Variants in ATP13A1 observed in about 807,000 individuals in gnomAD.
The protein encoded by ATP13A1 is ATPase 13A1, also known as endoplasmic reticulum transmembrane helix translocase.
A neutral mutation model predicts 134.8 loss-of-function variants in ATP13A1; 55 were observed. The ratio of observed to expected loss-of-function variants is 0.41; its 90% CI spans 0.33 to 0.51. The LOEUF (loss-of-function observed/expected upper bound fraction) is 0.51. Among genes scored for constraint, ATP13A1 ranks in the 20% least tolerant of loss-of-function variants. ATP13A1 has a pLI of 0.29. For missense variants in ATP13A1, 1,389 were observed against 1,652.8 expected (o/e 0.84, Z 2.77); for synonymous variants, 775 against 725.1 (o/e 1.07, Z -1.10).
Position 19,655,634 on chromosome 19 carries a change from G to A in ATP13A1, c.1290C>T (p.Ile430=). 2.5e-6 allele frequency: 4 copies of A among 1,613,576 alleles called. No individual in the cohort carries two copies. Among genetic ancestry groups the A allele is most frequent in the Non-Finnish European group, 3.4e-6 (4 of 1,179,748 alleles). The change falls in exon 10 of 26, where the codon ATC becomes ATT. Residue 430 remains isoleucine (I), a synonymous_variant. Transcript: ENST00000357324. The surrounding 1 kb of genome is among the most constrained non-coding windows in gnomAD (Gnocchi z 5.7). ...CAGTCACCCTCTTGACCCCGAAGAGGATGGTGCGCAGCAGCTTGCCCTGGA... is the reference window on the plus strand; with the variant it reads ...CAGTCACCCTCTTGACCCCGAAGAGAATGGTGCGCAGCAGCTTGCCCTGGA... ...NTSQGKLLRT[I]LFGVKRVTAN...
chr19:19,649,066 G>A (rs1486239612), intron 19 of ATP13A1, among the ~76,000 whole-genome samples: 1 of 151,962 alleles, frequency 6.6e-6, no homozygotes, highest in Non-Finnish European at 1.5e-5. Flanking sequence ...AGGTTGCAGT[G>A]AGCCCAGATC....
chr19:19,652,525 C>T (rs575704474), intron 16 of ATP13A1, 70 bp downstream of exon 16: 12 of 1,528,428 alleles, frequency 7.9e-6, no homozygotes, highest in South Asian at 3.7e-5. Context: ...ACCCCTACCA[C>T]GAAGCTGTAA....
Position 19,645,561 on chromosome 19 carries a change from G to A in ATP13A1, c.3505-29C>T, listed in dbSNP as rs2061979308. 2 of 1,572,858 alleles carry A rather than the reference G, an allele frequency of 1.3e-6. No homozygotes were observed. Among genetic ancestry groups the A allele is most frequent in the South Asian group, 1.2e-5 (1 of 85,940 alleles). ...TCGGGGCAGGGAGGGATGGTGAGCT[G>A]GAGACCTGCAGCCCAGCTCAGGGTC... On this transcript the variant is annotated intron_variant, in intron 25 of 25. Coordinates refer to ENST00000357324, the MANE Select transcript of ATP13A1 (RefSeq NM_020410.3). The surrounding 1 kb of genome is among the most constrained non-coding windows in gnomAD (Gnocchi z 4.1).
intron 15 of ATP13A1, chr19:19,652,951 T>G (rs1032221786): frequency 7.2e-6 from 4 of 558,510 alleles, no homozygotes; most frequent in Non-Finnish European, 1.3e-5. Flanking sequence ...TGTGGCTCTA[T>G]GTCCTGCTTG....
rs769883325 is a variant in ATP13A1 at position 19,645,867 on chromosome 19, G to A, written c.3360+7C>T. 1 of 1,613,684 alleles carries A rather than the reference G, an allele frequency of 6.2e-7. No homozygotes were observed. Among genetic ancestry groups the A allele is most frequent in the East Asian group, 2.2e-5 (1 of 44,870 alleles). ...CAGTGAATGTTTGGGCAGGGCCCAG[G>A]CCTTACTTTGTAATTGATGGCGAAG... On this transcript the variant is annotated splice_region_variant and intron_variant, in intron 24 of 25. Transcript: ENST00000357324. This position sits in a 1 kb window ranked among gnomAD's most constrained non-coding sequence, Gnocchi z 4.1.
chr19:19,652,953 T>A, intron 15 of ATP13A1: 1 of 556,362 alleles, frequency 1.8e-6, no homozygotes, highest in Non-Finnish European at 3.2e-6. Flanking sequence ...TGGCTCTATG[T>A]CCTGCTTGCG....
At chr19:19,659,525 C>T (rs113159465) in intron 3 of ATP13A1, 76 bp downstream of exon 3, 38,567 of 1,225,592 alleles carry the variant, frequency 0.031, 785 homozygotes, top group South Asian at 0.044. Flanking sequence ...GCCTCTGTCC[C>T]GCTTCCTAGG....
At chr19:19,657,740 G>C (rs1302148256) in intron 3 of ATP13A1, among the ~76,000 whole-genome samples, 1 of 152,220 alleles carries the variant, frequency 6.6e-6, no homozygotes. Context: ...GAGTGACACA[G>C]CAAGTAGAGA....
In ATP13A1 at chr19:19,645,368, G is replaced by A. The variant is rs1279593789; in HGVS notation, c.*54C>T. The A allele has an allele frequency of 6.5e-7, 1 of 1,537,522 alleles. No homozygotes were observed. Among genetic ancestry groups the A allele is most frequent in the African/African-American group, 1.4e-5 (1 of 72,824 alleles). ...CAGGGTTCCCTCCCGGGGCCCTGTT[G>A]GGGTTCCCGCCCAGCGGCAGCCAGG... On this transcript the variant is annotated 3_prime_UTR_variant, in exon 26 of 26. Transcript: ENST00000357324. The surrounding 1 kb of genome is among the most constrained non-coding windows in gnomAD (Gnocchi z 4.1).
chr19:19,653,422 A>G lies in ATP13A1; in HGVS notation c.2100+362T>C. The G allele has an allele frequency of 3.2e-6, 1 of 316,532 alleles. No individual in the cohort carries two copies. Among genetic ancestry groups the G allele is most frequent in the South Asian group, 4.3e-5 (1 of 23,474 alleles). The allele number at this position is 316,532 out of a possible 1,614,324, so 19.6% of individuals were successfully genotyped here. On this transcript the variant is annotated intron_variant, in intron 15 of 25. Coordinates refer to ENST00000357324, the MANE Select transcript of ATP13A1 (RefSeq NM_020410.3). This position sits in a 1 kb window ranked among gnomAD's most constrained non-coding sequence, Gnocchi z 4.2. ...AAGAACGAGAGCCCAGGAAGAAGCC[A>G]AGCGGCAGATGTGCCGGTGGTGGAG...
rs1246165606 is a variant in ATP13A1 at position 19,654,689 on chromosome 19, T to A, written c.1667A>T (p.Glu556Val). ...AGGGATGCTGGACACTGGGGTCACCTCCTTCCCGTCTCTGCAAGGTCGGGG... is the reference window on the plus strand; with the variant it reads ...AGGGATGCTGGACACTGGGGTCACCACCTTCCCGTCTCTGCAAGGTCGGGG... ...RGVAGLRDGK[E>V]VTPVSSIPVE... The change falls in exon 13 of 26, where the codon GAG becomes GTG. Residue 556 changes from glutamate to valine, a missense_variant. This residue lies in a region of ATP13A1 where 747 missense variants were observed against 956.1 expected (regional missense o/e 0.78). Transcript: ENST00000357324. 2.5e-6 allele frequency: 4 copies of A among 1,611,946 alleles called. No homozygotes were observed. Among genetic ancestry groups the A allele is most frequent in the Non-Finnish European group, 3.4e-6 (4 of 1,179,240 alleles).
chr19:19,645,241 CT>C lies in ATP13A1; in HGVS notation c.*180del. ...CTGCTTTATTTACCAAAGGTGCTGG[CT>C]TGGGGCTGGTTCTGCTGGCCAAGCC... On this transcript the variant is annotated 3_prime_UTR_variant, in exon 26 of 26. Transcript: ENST00000357324. This position sits in a 1 kb window ranked among gnomAD's most constrained non-coding sequence, Gnocchi z 4.1. The C allele has an allele frequency of 1.5e-6, 1 of 659,192 alleles. No homozygotes were observed. Among genetic ancestry groups the C allele is most frequent in the East Asian group, 2.8e-5 (1 of 36,132 alleles). The allele number at this position is 659,192 out of a possible 1,614,324, so 40.8% of individuals were successfully genotyped here. A position where few individuals can be genotyped will look rare whatever the true frequency, so the allele number is the denominator to read the frequency against.
At chr19:19,651,911 T>G in intron 16 of ATP13A1, 114 bp from the exon 17 acceptor site, 1 of 787,088 alleles carries the variant, frequency 1.3e-6, no homozygotes, top group Non-Finnish European at 2.0e-6. Flanking sequence ...ATCCTGGGCC[T>G]CTAACCGAGA....
intron 13 of ATP13A1, 112 bp from the exon 14 acceptor site, chr19:19,654,256 T>A (rs1599432831): frequency 8.4e-7 from 1 of 1,193,530 alleles, no homozygotes; most frequent in South Asian, 1.5e-5. Flanking sequence ...CAGGGCCTGA[T>A]CGGGGCTCTG....
At chr19:19,659,842 G>A in intron 2 of ATP13A1, 51 bp from the exon 3 acceptor site, 2 of 1,598,360 alleles carry the variant, frequency 1.3e-6, no homozygotes, top group South Asian at 2.2e-5. Flanking sequence ...TGGGGTGTCA[G>A]CGCCTGGGAA....
In ATP13A1 at chr19:19,663,294, GCGCGTGCACAGACCAATGCCCCGAGAGGA is replaced by G; in HGVS notation, c.344_372del (p.Val115AlafsTer38). Reference sequence around the variant, plus strand: ...ACCGGGGTGCAGGTGAGCGCGCAATGCGCGTGCACAGACCAATGCCCCGAGAGGACAGTGAGCGCGTGCGCGAGGCAGAT... The same window carrying G: ...ACCGGGGTGCAGGTGAGCGCGCAATGCAGTGAGCGCGTGCGCGAGGCAGAT... On this transcript the variant is annotated frameshift_variant, in exon 1 of 26. Transcript: ENST00000357324. LOFTEE classifies it high-confidence loss of function. 6.3e-7 allele frequency: 1 copy of G among 1,587,702 alleles called. No individual in the cohort carries two copies. The highest frequency in any genetic ancestry group is 8.6e-7 in the Non-Finnish European group (1 of 1,168,450).
chr19:19,652,672 C>T lies in ATP13A1; in HGVS notation c.2149G>A (p.Gly717Ser). 1.2e-6 allele frequency: 2 copies of T among 1,608,546 alleles called. No individual in the cohort carries two copies. The highest frequency in any genetic ancestry group is 1.7e-6 in the Non-Finnish European group (2 of 1,177,940). ...EALECSLKFV[G>S]FIVVSCPLKA... ...AGCGGGCAGGAGACCACAATGAAGC[C>T]GACGAACTTGAGGCTGCACTCCAGG... The change falls in exon 16 of 26, where the codon GGC becomes AGC. Residue 717 changes from glycine (G) to serine (S), a missense_variant. Gly to Ser is a moderately conservative substitution (Grantham distance 56, BLOSUM62 0). Transcript: ENST00000357324.
chr19:19,655,607 C>G lies in ATP13A1; in HGVS notation c.1317G>C (p.Ala439=). The G allele has an allele frequency of 6.2e-7, 1 of 1,613,816 alleles. No homozygotes were observed. Among genetic ancestry groups the G allele is most frequent in the Admixed American group, 1.7e-5 (1 of 59,990 alleles). The change falls in exon 10 of 26, where the codon GCG becomes GCC. Residue 439 remains alanine, a synonymous_variant. Coordinates refer to ENST00000357324, the MANE Select transcript of ATP13A1 (RefSeq NM_020410.3). This position sits in a 1 kb window ranked among gnomAD's most constrained non-coding sequence, Gnocchi z 5.7. ...TGAAGATGAAGGTCTCCAGGTTGTT[C>G]GCAGTCACCCTCTTGACCCCGAAGA... ...TILFGVKRVT[A]NNLETFIFIL... is the part of the protein sequence containing the mutation.
rs1235564299 is a variant in ATP13A1 at position 19,656,471 on chromosome 19, T to C, written c.1083+189A>G. ...GACATCCCAGGGCACCAATGTACCC[T>C]GGATGCCCTTGGCTCTCTCACCTCC... On this transcript the variant is annotated intron_variant, in intron 7 of 25. Coordinates refer to ENST00000357324, the MANE Select transcript of ATP13A1 (RefSeq NM_020410.3). The surrounding 1 kb of genome is among the most constrained non-coding windows in gnomAD (Gnocchi z 4.6). Among the ~76,000 whole-genome samples, 1 of 152,076 alleles carries C rather than the reference T, an allele frequency of 6.6e-6. No individual in the cohort carries two copies. Among genetic ancestry groups the C allele is most frequent in the African/African-American group, 2.4e-5 (1 of 41,396 alleles).
Sources: allele counts gnomAD v4.1 joint callset (sites outside exome capture counted in the v4.1 genomes callset), GRCh38; gene constraint gnomAD v4.1.1; regional missense constraint gnomAD v4.1.1; non-coding constraint Gnocchi (gnomAD v3.1); transcripts MANE v1.5; gene names NCBI Gene and HGNC (gene_info 2026-07-23, HGNC 2026-07-21).